Variants in TENM3 observed in about 807,000 individuals in gnomAD.
TENM3 encodes teneurin transmembrane protein 3, also known as teneurin-3.
A neutral mutation model predicts 255.1 loss-of-function variants in TENM3; 63 were observed. The ratio of observed to expected loss-of-function variants is 0.25; its 90% CI spans 0.20 to 0.30. The LOEUF (loss-of-function observed/expected upper bound fraction) is 0.30, where lower values mean the gene tolerates loss of function less well. Among genes scored for constraint, TENM3 ranks in the 10% least tolerant of loss-of-function variants. The pLI is 1.00. For missense variants in TENM3, 2,929 were observed against 3,461.1 expected (o/e 0.85, Z 3.86); for synonymous variants, 1,306 against 1,322.3 (o/e 0.99, Z 0.27).
intron 13 of TENM3, among the ~76,000 whole-genome samples, chr4:182,720,010 C>T (rs1270630963): frequency 6.6e-6 from 1 of 152,008 alleles, no homozygotes; most frequent in East Asian, 1.9e-4. Flanking sequence ...TGCAGTGAGC[C>T]ATGATCGCGC....
chr4:182,543,136 TGGATGCAAGGATGGAG>T (rs1397265889), intron 3 of TENM3, among the ~76,000 whole-genome samples: 1 of 151,954 alleles, frequency 6.6e-6, no homozygotes, highest in Non-Finnish European at 1.5e-5. Flanking sequence ...GATGGATGCA[TGGATGCAAGGATGGAG>T]GGATGCATGG....
chr4:181,918,496 TA>T, the TENM3 span, among the ~76,000 whole-genome samples: 312 of 152,288 alleles, frequency 2.0e-3, 2 homozygotes, highest in African/African-American at 7.1e-3. Flanking sequence ...AGATTCCAAT[TA>T]TTTATATAAG....
At chr4:182,346,083 A>ACATG (rs1398756254) in intron 2 of TENM3, among the ~76,000 whole-genome samples, 1 of 151,894 alleles carries the variant, frequency 6.6e-6, no homozygotes, top group Non-Finnish European at 1.5e-5. Context: ...ATACATACAT[A>ACATG]CATACATACA....
chr4:181,569,067 T>A, the TENM3 span, among the ~76,000 whole-genome samples: 1 of 152,212 alleles, frequency 6.6e-6, no homozygotes. Context: ...GTGCAGTGGC[T>A]CATGCCTATA....
the TENM3 span, among the ~76,000 whole-genome samples, chr4:181,579,642 G>A: frequency 8.6e-4 from 131 of 152,186 alleles, no homozygotes; most frequent in Admixed American, 6.6e-3. Flanking sequence ...TCTCCAAATC[G>A]TCACAGTAAC....
chr4:182,440,108 G>A (rs760882124), intron 3 of TENM3, among the ~76,000 whole-genome samples: 67 of 127,498 alleles, frequency 5.3e-4, no homozygotes, highest in Non-Finnish European at 4.8e-4. Context: ...AACTCCTGGT[G>A]GGCACCTTTT....
the TENM3 span, among the ~76,000 whole-genome samples, chr4:181,728,106 CTT>C: frequency 3.3e-5 from 5 of 152,116 alleles, no homozygotes; most frequent in African/African-American, 1.2e-4. Context: ...CCTTTTAAAA[CTT>C]TTATCAAAAA....
At chr4:181,833,414 C>G in the TENM3 span, among the ~76,000 whole-genome samples, 2 of 152,280 alleles carry the variant, frequency 1.3e-5, no homozygotes, top group East Asian at 3.9e-4. Flanking sequence ...TCCAACCTCT[C>G]CATGTTATCT....
the TENM3 span, among the ~76,000 whole-genome samples, chr4:181,869,259 A>C: frequency 3.2e-4 from 48 of 152,274 alleles, no homozygotes; most frequent in Non-Finnish European, 6.5e-4. Flanking sequence ...AAATTTTAGG[A>C]AACACTTCAG....
intron 3 of TENM3, among the ~76,000 whole-genome samples, chr4:182,515,692 G>A (rs1472710040): frequency 6.6e-6 from 1 of 152,092 alleles, no homozygotes; most frequent in African/African-American, 2.4e-5. Flanking sequence ...GGAGACTTCT[G>A]TAATACATAT....
intron 22 of TENM3, among the ~76,000 whole-genome samples, chr4:182,771,009 T>A (rs1764163260): frequency 6.6e-6 from 1 of 152,246 alleles, no homozygotes; most frequent in Non-Finnish European, 1.5e-5. Context: ...TCATTCTAAC[T>A]GTACTACCTA....
the TENM3 span, among the ~76,000 whole-genome samples, chr4:181,977,071 A>G: frequency 6.6e-6 from 1 of 152,180 alleles, no homozygotes; most frequent in African/African-American, 2.4e-5. Context: ...GTGGCGTTGT[A>G]CTTAGCAGCA....
chr4:182,257,462 T>G (rs1758479936), intron 1 of TENM3, among the ~76,000 whole-genome samples: 1 of 152,304 alleles, frequency 6.6e-6, no homozygotes, highest in African/African-American at 2.4e-5. Context: ...TTACTGTCTC[T>G]AAAACAATTA....
intron 1 of TENM3, among the ~76,000 whole-genome samples, chr4:182,200,136 G>A (rs757810932): frequency 6.6e-6 from 1 of 152,128 alleles, no homozygotes; most frequent in African/African-American, 2.4e-5. Flanking sequence ...GCTCTAAAAG[G>A]TCTAGAAATG....
At chr4:182,472,832 C>G (rs1733265227) in intron 3 of TENM3, among the ~76,000 whole-genome samples, 1 of 152,108 alleles carries the variant, frequency 6.6e-6, no homozygotes, top group African/African-American at 2.4e-5. Context: ...CCTCTCACCT[C>G]AGCCTCCCAA....
At chr4:182,160,871 A>G (rs1751100384) in intron 1 of TENM3, among the ~76,000 whole-genome samples, 1 of 152,090 alleles carries the variant, frequency 6.6e-6, no homozygotes. Context: ...AGTGAGGGAA[A>G]TGCTAACTAG....
chr4:181,874,042 C>T, the TENM3 span, among the ~76,000 whole-genome samples: 2 of 152,188 alleles, frequency 1.3e-5, no homozygotes, highest in East Asian at 1.9e-4. Context: ...CTTAGCCTCC[C>T]AAAGTGCTGG....
chr4:182,607,794 T>C (rs572124849), intron 4 of TENM3, among the ~76,000 whole-genome samples: 2 of 152,252 alleles, frequency 1.3e-5, no homozygotes, highest in Non-Finnish European at 2.9e-5. Context: ...ATACTGTATA[T>C]TCTGATAATG....
chr4:181,738,221 A>G, the TENM3 span, among the ~76,000 whole-genome samples: 41 of 152,190 alleles, frequency 2.7e-4, no homozygotes, highest in Non-Finnish European at 4.9e-4. Context: ...TATTCAGTAC[A>G]TGTCAAGTAT....
Sources: gnomAD v4.1 joint callset for allele counts (sites outside exome capture counted in the v4.1 genomes callset) on GRCh38, gnomAD v4.1.1 for gene constraint, MANE v1.5 for transcripts, NCBI Gene and HGNC (gene_info 2026-07-23, HGNC 2026-07-21) for gene names.